Variants in PIEZO2 observed in about 807,000 individuals in gnomAD.
PIEZO2 encodes piezo-type mechanosensitive ion channel component 2.
Under a neutral mutation model 337.3 loss-of-function variants are expected in PIEZO2, and 172 were observed. The observed-to-expected ratio is 0.51, with a 90% CI of 0.45 to 0.58. The LOEUF (loss-of-function observed/expected upper bound fraction) is 0.58. Among genes scored for constraint, PIEZO2 ranks in the 20% least tolerant of loss-of-function variants. The pLI, the probability that PIEZO2 is intolerant of heterozygous loss-of-function variation, is 0.00. For synonymous variants in PIEZO2, 1,251 were observed against 1,228.5 expected, an observed-to-expected ratio of 1.02 and a Z score of -0.38; for missense variants, 3,028 against 3,391.3, an observed-to-expected ratio of 0.89 and a Z score of 2.66.
In PIEZO2 at chr18:11,059,513, T is replaced by C. The variant is rs552922960; in HGVS notation, c.160+6614A>G. Among the ~76,000 whole-genome samples, 14 of 152,030 alleles carry C rather than the reference T, an allele frequency of 9.2e-5. 1 individual carries two copies. Among genetic ancestry groups the C allele is most frequent in the Non-Finnish European group, 1.5e-4 (10 of 68,012 alleles). ...CAGTGTGCTGTATTCAGGAAACCCA[T>C]CTCATGTGCAGAGACACACATAGGC... On this transcript the variant is annotated intron_variant, in intron 2 of 55. Transcript: ENST00000674853.
At chr18:10,700,095 C>T (rs987774651) in intron 43 of PIEZO2, among the ~76,000 whole-genome samples, 3 of 152,116 alleles carry the variant, frequency 2.0e-5, no homozygotes, top group Non-Finnish European at 2.9e-5. Flanking sequence ...TTTAGCTTTT[C>T]GTAATGGGAT....
At chr18:10,931,661 C>A (rs1337944593) in intron 3 of PIEZO2, among the ~76,000 whole-genome samples, 3 of 151,854 alleles carry the variant, frequency 2.0e-5, no homozygotes, top group Non-Finnish European at 4.4e-5. Flanking sequence ...TCTTTCTGTT[C>A]TCTCTCCCTC....
In PIEZO2 at chr18:10,757,987, G is replaced by A; in HGVS notation, c.3905C>T (p.Pro1302Leu). 1 of 1,535,956 alleles carries A rather than the reference G, an allele frequency of 6.5e-7. No homozygotes were observed. Among genetic ancestry groups the A allele is most frequent in the South Asian group, 1.2e-5 (1 of 83,782 alleles). Reference protein sequence around the residue: ...AASFSQHNPVPDFIHCRSYLD... With the variant: ...AASFSQHNPVLDFIHCRSYLD... ...TTGTTACCTGCAGTGAATAAAATCT[G>A]GCACAGGGTTATGTTGGCTGAAGGA... The change falls in exon 27 of 56, where the codon CCA becomes CTA. Residue 1302 changes from proline (P) to leucine (L), a missense_variant. Pro to Leu is a moderately conservative substitution (Grantham distance 98). This residue lies in a region of PIEZO2 where 1,925 missense variants were observed against 2,051.9 expected (regional missense o/e 0.94). Coordinates refer to ENST00000674853, the MANE Select transcript of PIEZO2 (RefSeq NM_001378183.1).
chr18:11,091,200 A>G (rs138383255), intron 1 of PIEZO2, among the ~76,000 whole-genome samples: 4,177 of 152,002 alleles, frequency 0.027, 189 homozygotes, highest in African/African-American at 0.093. Flanking sequence ...CCTGGCCAGC[A>G]TGATGAAACC....
intron 3 of PIEZO2, among the ~76,000 whole-genome samples, chr18:10,928,110 G>A (rs2031859799): frequency 6.6e-6 from 1 of 152,140 alleles, no homozygotes; most frequent in Non-Finnish European, 1.5e-5. Context: ...ATACGTGAAG[G>A]CTCATACACG....
In PIEZO2 at chr18:10,906,600, G is replaced by T. The variant is rs113202269; in HGVS notation, c.329+4586C>A. ...TTTTGAGACAGAGTCTTGCTCTGTC[G>T]CCCAGGCTGGAGTGCAGAGGGGCGA... On this transcript the variant is annotated intron_variant, in intron 4 of 55. Coordinates refer to ENST00000674853, the MANE Select transcript of PIEZO2 (RefSeq NM_001378183.1). 7.9e-5 allele frequency among the ~76,000 whole-genome samples: 12 copies of T among 151,608 alleles called. No homozygotes were observed. In the South Asian group the frequency reaches 1.5e-3, roughly 18 times the overall value.
chr18:11,116,254 T>G lies in PIEZO2; in HGVS notation c.64+32271A>C, dbSNP rs1356756262. Among the ~76,000 whole-genome samples the G allele has an allele frequency of 6.6e-6, 1 of 152,120 alleles. No homozygotes were observed. The highest frequency in any genetic ancestry group is 6.5e-5 in the Admixed American group (1 of 15,272). On this transcript the variant is annotated intron_variant, in intron 1 of 55. Transcript: ENST00000674853. The surrounding 1 kb of genome is among the most constrained non-coding windows in gnomAD (Gnocchi z 5.0). ...TTACAAATCCTATCTGGTCTTTGAT[T>G]TTGGAAATGTCTAGGAGTTTGGGGA...
In PIEZO2 at chr18:11,148,882, A is replaced by G. The variant is rs886488962; in HGVS notation, c.-294T>C. 25 of 357,264 alleles carry G rather than the reference A, an allele frequency of 7.0e-5. No individual in the cohort carries two copies. Among genetic ancestry groups the G allele is most frequent in the African/African-American group, 4.9e-4 (23 of 46,480 alleles). 22.1% of individuals were successfully genotyped at this position (357,264 alleles called of 1,614,324 possible). A position where few individuals can be genotyped will look rare whatever the true frequency, so the allele number is the denominator to read the frequency against. On this transcript the variant is annotated 5_prime_UTR_variant, in exon 1 of 56. Coordinates refer to ENST00000674853, the MANE Select transcript of PIEZO2 (RefSeq NM_001378183.1). This position sits in a 1 kb window ranked among gnomAD's most constrained non-coding sequence, Gnocchi z 5.2. ...ATTTAGTGTGAATCCTGGATCCGGC[A>G]GCGGCGGCGGCTTCTTCAGGGGTAG... is the stretch of plus-strand genomic sequence containing the variant.
intron 2 of PIEZO2, among the ~76,000 whole-genome samples, chr18:11,049,239 C>T (rs2037430437): frequency 6.6e-6 from 1 of 152,140 alleles, no homozygotes; most frequent in Non-Finnish European, 1.5e-5. Context: ...GTGTTCTCTC[C>T]AGGATCAGTA....
chr18:10,871,249 T>A lies in PIEZO2; in HGVS notation c.492+4A>T. 1.3e-6 allele frequency: 2 copies of A among 1,535,708 alleles called. No individual in the cohort carries two copies. The highest frequency in any genetic ancestry group is 2.4e-5 in the South Asian group (2 of 83,654). ...AGAAGGAAGAGACATGGAGTTGGAT[T>A]TACCAATTCTTCATTTTCAAACTCC... On this transcript the variant is annotated splice_donor_region_variant and intron_variant, in intron 5 of 55. Coordinates refer to ENST00000674853, the MANE Select transcript of PIEZO2 (RefSeq NM_001378183.1).
intron 7 of PIEZO2, among the ~76,000 whole-genome samples, chr18:10,845,817 C>T (rs1163825214): frequency 6.6e-6 from 1 of 152,176 alleles, no homozygotes; most frequent in East Asian, 1.9e-4. Context: ...TTTTAAGCAT[C>T]AAGGATAAAG....
chr18:10,963,727 T>C (rs1598751799), intron 3 of PIEZO2, among the ~76,000 whole-genome samples: 1 of 152,228 alleles, frequency 6.6e-6, no homozygotes, highest in South Asian at 2.1e-4. Flanking sequence ...GGTTTGGTAT[T>C]AAGACATACA....
At chr18:11,066,544 A>C (rs1457722392) in intron 1 of PIEZO2, among the ~76,000 whole-genome samples, 4 of 152,258 alleles carry the variant, frequency 2.6e-5, no homozygotes, top group African/African-American at 7.2e-5. Flanking sequence ...AAAAAGATGT[A>C]AATTGTGACA....
At position 10,775,304 on chromosome 18, in the gene PIEZO2, A is replaced by G. The variant is rs1203128964; in HGVS notation, c.2535-1266T>C. On this transcript the variant is annotated intron_variant, in intron 18 of 55. Coordinates refer to ENST00000674853, the MANE Select transcript of PIEZO2 (RefSeq NM_001378183.1). This position sits in a 1 kb window ranked among gnomAD's most constrained non-coding sequence, Gnocchi z 4.3. ...AGTGCCACACACCAAATCTCAGGGA[A>G]CACATTTGCTGTTCCTGCTTTGTCA... is the stretch of plus-strand genomic sequence containing the variant. 1.3e-5 allele frequency among the ~76,000 whole-genome samples: 2 copies of G among 152,168 alleles called. No individual in the cohort carries two copies. Among genetic ancestry groups the G allele is most frequent in the Non-Finnish European group, 1.5e-5 (1 of 68,032 alleles).
At position 10,895,516 on chromosome 18, in the gene PIEZO2, C is replaced by T. The variant is rs973804855; in HGVS notation, c.329+15670G>A. 6.6e-6 allele frequency among the ~76,000 whole-genome samples: 1 copy of T among 151,980 alleles called. No individual in the cohort carries two copies. The highest frequency in any genetic ancestry group is 1.5e-5 in the Non-Finnish European group (1 of 68,006). On this transcript the variant is annotated intron_variant, in intron 4 of 55. Coordinates refer to ENST00000674853, the MANE Select transcript of PIEZO2 (RefSeq NM_001378183.1). This position sits in a 1 kb window ranked among gnomAD's most constrained non-coding sequence, Gnocchi z 4.8. Reference sequence around the variant, plus strand: ...CTCATGAGGTTGTTCAGTGACCACACCAGAGCCCCCCAGCTGGAACAGAGT... The same window carrying T: ...CTCATGAGGTTGTTCAGTGACCACATCAGAGCCCCCCAGCTGGAACAGAGT...
intron 2 of PIEZO2, among the ~76,000 whole-genome samples, chr18:11,006,359 A>G (rs78654788): frequency 2.0e-5 from 3 of 152,348 alleles, no homozygotes; most frequent in Non-Finnish European, 2.9e-5. Flanking sequence ...GAACGAATGA[A>G]TGAAATATAT....
intron 2 of PIEZO2, among the ~76,000 whole-genome samples, chr18:11,019,696 C>G (rs1441788546): frequency 2.0e-5 from 3 of 152,104 alleles, no homozygotes; most frequent in African/African-American, 7.2e-5. Context: ...TGCACTTACC[C>G]CCCTACCCCA....
At chr18:10,873,051 A>G (rs1188674162) in intron 4 of PIEZO2, among the ~76,000 whole-genome samples, 1 of 152,178 alleles carries the variant, frequency 6.6e-6, no homozygotes, top group East Asian at 1.9e-4. Context: ...ATACATACAC[A>G]CATATATACA....
rs1685301806 is a variant in PIEZO2 at position 11,083,540 on chromosome 18, G to A, written c.65-17318C>T. 6.6e-6 allele frequency among the ~76,000 whole-genome samples: 1 copy of A among 152,188 alleles called. No individual in the cohort carries two copies. The highest frequency in any genetic ancestry group is 6.5e-5 in the Admixed American group (1 of 15,282). ...TACACAAAGGGGGAGCCACTCAGGT[G>A]GTGCCAGCCCTGCAGGGCACGGTGT... On this transcript the variant is annotated intron_variant, in intron 1 of 55. Transcript: ENST00000674853. The surrounding 1 kb of genome is among the most constrained non-coding windows in gnomAD (Gnocchi z 4.4).
Sources: allele counts gnomAD v4.1 joint callset (sites outside exome capture counted in the v4.1 genomes callset), GRCh38; gene constraint gnomAD v4.1.1; regional missense constraint gnomAD v4.1.1; non-coding constraint Gnocchi (gnomAD v3.1); transcripts MANE v1.5; gene names NCBI Gene and HGNC (gene_info 2026-07-23, HGNC 2026-07-21).